Variants in FCRL4 observed in about 807,000 individuals in gnomAD.
The protein encoded by FCRL4 is Fc receptor like 4, also known as Fc receptor-like protein 4.
Under a neutral mutation model 64.1 loss-of-function variants are expected in FCRL4, and 43 were observed. That is an observed-to-expected ratio of 0.67 (90% confidence interval 0.53 to 0.87). The LOEUF is 0.87. Ranked by LOEUF, FCRL4 falls within the 40% of genes least tolerant of loss-of-function variation. FCRL4 has a pLI of 0.00. For synonymous variants in FCRL4, 253 were observed against 239.8 expected (o/e 1.05, Z -0.51); for missense variants, 656 against 613.5 (o/e 1.07, Z -0.73).
chr1:157,589,073 A>G, intron 3 of FCRL4, 131 bp downstream of exon 3: 1 of 1,030,412 alleles, frequency 9.7e-7, no homozygotes, highest in South Asian at 1.7e-5. Context: ...ATTGGAGGGA[A>G]AATATGAAAC....
At chr1:157,589,176 G>A (rs1652775599) in intron 3 of FCRL4, 28 bp downstream of exon 3, 3 of 1,606,700 alleles carry the variant, frequency 1.9e-6, no homozygotes, top group Non-Finnish European at 2.6e-6. Flanking sequence ...CATTTATAAA[G>A]TTTCAACTAA....
rs1047230718 is a variant in FCRL4, at chr1:157,574,761, C to T, written c.*763G>A. The T allele has an allele frequency of 4.8e-6, 1 of 209,834 alleles. No individual in the cohort carries two copies. The highest frequency in any genetic ancestry group is 2.3e-5 in the African/African-American group (1 of 44,044). 13.0% of individuals were successfully genotyped at this position (209,834 alleles called of 1,614,324 possible). A position where few individuals can be genotyped will look rare whatever the true frequency, so the allele number is the denominator to read the frequency against. ...AGGCAGAGTTTATTATGAGTTTATA[C>T]TAATATTTTAAGTTCAAATTTAGTT... On this transcript the variant is annotated 3_prime_UTR_variant, in exon 12 of 12. Coordinates refer to ENST00000271532, the MANE Select transcript of FCRL4 (RefSeq NM_031282.3).
rs76577796 is a variant in FCRL4 at position 157,582,504 on chromosome 1, C to A, written c.1136-860G>T. Among the ~76,000 whole-genome samples the A allele has an allele frequency of 1.3e-4, 20 of 152,268 alleles. No individual in the cohort carries two copies. In the South Asian group the frequency reaches 1.7e-3, roughly 13 times the overall value. On this transcript the variant is annotated intron_variant, in intron 6 of 11. Transcript: ENST00000271532. ...AGAGAGTGGAGAGTGGGGCGTGGTA[C>A]TTTCCCATATGTATTCTTGGTCCCC...
chr1:157,575,910 G>T (rs375783353), intron 10 of FCRL4, among the ~76,000 whole-genome samples, 180 bp from the exon 11 acceptor site: 1 of 151,988 alleles, frequency 6.6e-6, no homozygotes, highest in Non-Finnish European at 1.5e-5. Flanking sequence ...TCTTAACCCA[G>T]CCCTCTGCAA....
At chr1:157,587,611 T>G in intron 4 of FCRL4, 51 bp from the exon 5 acceptor site, 2 of 1,569,820 alleles carry the variant, frequency 1.3e-6, no homozygotes, top group Non-Finnish European at 1.7e-6. Context: ...TTTAGGACTC[T>G]GTGAGAGACA....
At chr1:157,594,803 G>A (rs1453757077) in intron 2 of FCRL4, among the ~76,000 whole-genome samples, 1 of 152,116 alleles carries the variant, frequency 6.6e-6, no homozygotes, top group African/African-American at 2.4e-5. Flanking sequence ...TGTTTGAGGG[G>A]AAAAAGAAAA....
Position 157,586,229 on chromosome 1 carries a change from G to A in FCRL4, c.1074C>T (p.Tyr358=). The part of the protein sequence containing the change: ...AIRQSHAGGY[Y]CTADNSYGPV... ...GGCCGTAGCTGTTGTCTGCTGTACAGTAGTATCCCCCTGCATGGCTCTGTC... is the reference window on the plus strand; with the variant it reads ...GGCCGTAGCTGTTGTCTGCTGTACAATAGTATCCCCCTGCATGGCTCTGTC... The change falls in exon 6 of 12, where the codon TAC becomes TAT. Residue 358 remains tyrosine (Y), a synonymous_variant. Coordinates refer to ENST00000271532, the MANE Select transcript of FCRL4 (RefSeq NM_031282.3). 1 of 1,614,166 alleles carries A rather than the reference G, an allele frequency of 6.2e-7. No individual in the cohort carries two copies. The highest frequency in any genetic ancestry group is 8.5e-7 in the Non-Finnish European group (1 of 1,180,012).
At chr1:157,582,872 T>C (rs766302406) in intron 6 of FCRL4, among the ~76,000 whole-genome samples, 3 of 152,210 alleles carry the variant, frequency 2.0e-5, no homozygotes, top group Non-Finnish European at 4.4e-5. Context: ...ACATCCTGTA[T>C]TGAATCTTTC....
At chr1:157,590,038 C>T (rs1652804912) in intron 2 of FCRL4, among the ~76,000 whole-genome samples, 1 of 152,150 alleles carries the variant, frequency 6.6e-6, no homozygotes, top group Admixed American at 6.5e-5. Flanking sequence ...TCTCCTTCTC[C>T]CATACCAGGA....
Position 157,597,962 on chromosome 1 carries a change from T to A in FCRL4, c.-18A>T. 1 of 1,610,224 alleles carries A rather than the reference T, an allele frequency of 6.2e-7. No individual in the cohort carries two copies. The highest frequency in any genetic ancestry group is 8.5e-7 in the Non-Finnish European group (1 of 1,177,412). The stretch of plus-strand genomic sequence containing the variant: ...AGCAGCATGGAAGCCTGCTCCAGGA[T>A]TGGAGAAGGAGTTCTGAGGAGACAA... On this transcript the variant is annotated 5_prime_UTR_variant, in exon 1 of 12. Coordinates refer to ENST00000271532, the MANE Select transcript of FCRL4 (RefSeq NM_031282.3).
At chr1:157,587,665 A>G (rs924725410) in intron 4 of FCRL4, 105 bp from the exon 5 acceptor site, 1 of 1,299,622 alleles carries the variant, frequency 7.7e-7, no homozygotes, top group South Asian at 1.4e-5. Flanking sequence ...ACACAGCAAG[A>G]CAAACTTATC....
chr1:157,576,911 T>A (rs1253276535), intron 10 of FCRL4, among the ~76,000 whole-genome samples: 2 of 152,194 alleles, frequency 1.3e-5, no homozygotes, highest in East Asian at 3.8e-4. Flanking sequence ...CTTCTCTGAG[T>A]CTTATGTGTA....
chr1:157,585,344 CTCTTTCTTTCTTTCTT>C (rs764765610), intron 6 of FCRL4, among the ~76,000 whole-genome samples: 2,077 of 81,294 alleles, frequency 0.026, 46 homozygotes, highest in African/African-American at 0.075. Flanking sequence ...CTTTCTCTCT[CTCTTTCTTTCTTTCTT>C]TCTTTCTTTC....
intron 5 of FCRL4, 28 bp from the exon 6 acceptor site, chr1:157,586,483 G>A: frequency 6.3e-7 from 1 of 1,580,114 alleles, no homozygotes; most frequent in Non-Finnish European, 8.6e-7. Flanking sequence ...CACAGGTGGG[G>A]GTCGGGTGTG....
At chr1:157,575,981 A>G (rs1248445559) in intron 10 of FCRL4, among the ~76,000 whole-genome samples, 3 of 152,118 alleles carry the variant, frequency 2.0e-5, no homozygotes, top group Non-Finnish European at 2.9e-5. Context: ...AAGAAACCTC[A>G]CACCCTTCCT....
intron 2 of FCRL4, among the ~76,000 whole-genome samples, chr1:157,592,301 A>G (rs138680366): frequency 0.048 from 7,357 of 152,270 alleles, 474 homozygotes; most frequent in African/African-American, 0.15. Flanking sequence ...TCATCAGAGC[A>G]AACAGGCAAC....
At chr1:157,575,782 A>G (rs1444010849) in intron 10 of FCRL4, 52 bp from the exon 11 acceptor site, 1 of 1,579,810 alleles carries the variant, frequency 6.3e-7, no homozygotes, top group African/African-American at 1.3e-5. Flanking sequence ...TGCACTTAGA[A>G]CTCAGTCTGT....
At chr1:157,579,699 A>AATAAATAC (rs1281711223) in intron 8 of FCRL4, among the ~76,000 whole-genome samples, 1 of 123,660 alleles carries the variant, frequency 8.1e-6, no homozygotes, top group East Asian at 2.2e-4. Flanking sequence ...CCTGGGTGAC[A>AATAAATAC]ATACATACAT....
chr1:157,577,121 G>A (rs1174497666), intron 10 of FCRL4, among the ~76,000 whole-genome samples: 4 of 152,134 alleles, frequency 2.6e-5, no homozygotes, highest in Non-Finnish European at 1.5e-5. Flanking sequence ...TGGTTGAAGC[G>A]ATGTCTTTAG....
Sources: allele counts gnomAD v4.1 joint callset (sites outside exome capture counted in the v4.1 genomes callset), GRCh38; gene constraint gnomAD v4.1.1; transcripts MANE v1.5; gene names NCBI Gene and HGNC (gene_info 2026-07-23, HGNC 2026-07-21).